Variants in MPPE1 observed in about 807,000 individuals in gnomAD.
MPPE1 encodes metallophosphoesterase 1.
A neutral mutation model predicts 43.8 loss-of-function variants in MPPE1; 28 were observed. The ratio of observed to expected loss-of-function variants is 0.64; its 90% confidence interval spans 0.47 to 0.88. The LOEUF (loss-of-function observed/expected upper bound fraction) is 0.88. Among genes scored for constraint, MPPE1 ranks in the 40% least tolerant of loss-of-function variants. The probability of loss-of-function intolerance (pLI) is 0.00; values close to 1 mark genes in which losing one functional copy is unlikely to be tolerated. For missense variants in MPPE1, 428 were observed against 492.2 expected (o/e 0.87, Z 1.23); for synonymous variants, 159 against 188.5 (o/e 0.84, Z 1.28).
intron 1 of MPPE1, among the ~76,000 whole-genome samples, chr18:11,907,584 G>C (rs2039837863): frequency 6.6e-6 from 1 of 151,526 alleles, no homozygotes; most frequent in Non-Finnish European, 1.5e-5. Flanking sequence ...CCAAACTCCT[G>C]CGCTGAAGCG....
chr18:11,887,127 C>G, intron 6 of MPPE1, 102 bp from the exon 7 acceptor site: 1 of 786,760 alleles, frequency 1.3e-6, no homozygotes, highest in South Asian at 1.8e-5. Flanking sequence ...TGCAAAGAAA[C>G]AAGCCCAGAG....
intron 9 of MPPE1, 86 bp from the exon 10 acceptor site, chr18:11,885,902 T>C: frequency 7.6e-7 from 1 of 1,323,572 alleles, no homozygotes; most frequent in Non-Finnish European, 1.0e-6. Flanking sequence ...CCGCTGGCCA[T>C]CGCTTCTTTC....
chr18:11,898,390 G>C (rs893319866), intron 2 of MPPE1, among the ~76,000 whole-genome samples: 1 of 152,012 alleles, frequency 6.6e-6, no homozygotes, highest in Non-Finnish European at 1.5e-5. Context: ...GTTTAACTTT[G>C]AAGCAAGGAT....
intron 4 of MPPE1, among the ~76,000 whole-genome samples, chr18:11,890,184 C>T (rs529787883): frequency 2.2e-4 from 34 of 152,206 alleles, no homozygotes; most frequent in South Asian, 1.0e-3. Context: ...CCTCATGATC[C>T]GCCCGCCTCG....
At chr18:11,896,095 C>CTTTTTTTTT (rs1178920790) in intron 3 of MPPE1, among the ~76,000 whole-genome samples, 32 of 80,452 alleles carry the variant, frequency 4.0e-4, no homozygotes, top group Non-Finnish European at 6.6e-4. Flanking sequence ...ATTCTTTATT[C>CTTTTTTTTT]TTTTTTTTTT....
rs1296559699 is a variant in MPPE1 at position 11,883,825 on chromosome 18, G to GTATT, written c.*616_*619dup. ...GATTCTCCTGCCTCAGCCTCAGCTGGTATTATAGGCACTTGCTACCATGCT... is the reference window on the plus strand; with the variant it reads ...GATTCTCCTGCCTCAGCCTCAGCTGGTATTTATTATAGGCACTTGCTACCATGCT... On this transcript the variant is annotated 3_prime_UTR_variant, in exon 11 of 11. Coordinates refer to ENST00000588072, the MANE Select transcript of MPPE1 (RefSeq NM_023075.6). 1 of 149,870 alleles carries GTATT rather than the reference G, an allele frequency of 6.7e-6. No homozygotes were observed. 9.3% of individuals were successfully genotyped at this position (149,870 alleles called of 1,614,324 possible).
At chr18:11,904,636 A>G (rs2039532215) in intron 2 of MPPE1, among the ~76,000 whole-genome samples, 1 of 152,162 alleles carries the variant, frequency 6.6e-6, no homozygotes, top group Non-Finnish European at 1.5e-5. Flanking sequence ...ATCATTTTTT[A>G]AAAGATAAGA....
rs1173457811 is a variant in MPPE1 at position 11,886,748 on chromosome 18, G to A, written c.709C>T (p.Pro237Ser). 8.7e-6 allele frequency: 14 copies of A among 1,613,300 alleles called. No homozygotes were observed. The highest frequency in any genetic ancestry group is 1.0e-5 in the Non-Finnish European group (12 of 1,179,960). The change falls in exon 8 of 11, where the codon CCT becomes TCT. Residue 237 changes from proline to serine, a missense_variant. This residue lies in a region of MPPE1 where 379 missense variants were observed against 402.5 expected (regional missense o/e 0.94). Coordinates refer to ENST00000588072, the MANE Select transcript of MPPE1 (RefSeq NM_023075.6). The surrounding 1 kb of genome is among the most constrained non-coding windows in gnomAD (Gnocchi z 4.1). Reference sequence around the variant, plus strand: ...ACAGGGGCAGACGTGGGCAGCAGAGGCCCAGGTCCACACCGGCTGGAGCCA... The same window carrying A: ...ACAGGGGCAGACGTGGGCAGCAGAGACCCAGGTCCACACCGGCTGGAGCCA... ...ARGSSRCGPG[P>S]LLPTSAPVLL...
At chr18:11,905,324 CA>C (rs1045194680) in intron 2 of MPPE1, 6 of 149,350 alleles carry the variant, frequency 4.0e-5, no homozygotes, top group East Asian at 1.9e-4. Flanking sequence ...CAAAACAAAA[CA>C]AAAAAAAACA....
chr18:11,906,482 T>A (rs2039721241), intron 1 of MPPE1, among the ~76,000 whole-genome samples, 173 bp from the exon 2 acceptor site: 1 of 152,196 alleles, frequency 6.6e-6, no homozygotes, highest in Non-Finnish European at 1.5e-5. Context: ...ATAAAATACC[T>A]GTATTTATAT....
At chr18:11,908,105 A>T (rs2039895080) in intron 1 of MPPE1, 96 bp downstream of exon 1, 1 of 152,196 alleles carries the variant, frequency 6.6e-6, no homozygotes, top group African/African-American at 2.4e-5. Flanking sequence ...AATTTGCAGA[A>T]TGCTGTTTTT....
At chr18:11,897,389 C>G in intron 2 of MPPE1, 33 bp from the exon 3 acceptor site, 6 of 874,978 alleles carry the variant, frequency 6.9e-6, no homozygotes. Context: ...CAGTTATGTT[C>G]CCTAATAATA....
At chr18:11,900,311 C>T (rs1421611380) in intron 2 of MPPE1, among the ~76,000 whole-genome samples, 7 of 152,058 alleles carry the variant, frequency 4.6e-5, no homozygotes. Flanking sequence ...CACGCCATTG[C>T]ACTGCAGCCT....
At chr18:11,889,066 G>A (rs2037665775) in intron 5 of MPPE1, among the ~76,000 whole-genome samples, 1 of 152,164 alleles carries the variant, frequency 6.6e-6, no homozygotes, top group Admixed American at 6.5e-5. Context: ...AAGCACTAGA[G>A]CACTATATAA....
intron 6 of MPPE1, among the ~76,000 whole-genome samples, chr18:11,887,328 C>T (rs1455580266): frequency 6.7e-6 from 1 of 149,272 alleles, no homozygotes; most frequent in Non-Finnish European, 1.5e-5. Flanking sequence ...ACCAGAACCT[C>T]ATCTGTTACA....
chr18:11,889,513 T>C, intron 4 of MPPE1, 23 bp from the exon 5 acceptor site: 2 of 1,570,182 alleles, frequency 1.3e-6, no homozygotes, highest in Non-Finnish European at 8.7e-7. Context: ...GAATCACTGC[T>C]GAGAGCCAGA....
chr18:11,899,909 T>C (rs1438369955), intron 2 of MPPE1, among the ~76,000 whole-genome samples: 3 of 152,104 alleles, frequency 2.0e-5, no homozygotes, highest in Non-Finnish European at 4.4e-5. Context: ...CATAGGGAAA[T>C]TAAGAATAAC....
chr18:11,891,635 A>G (rs2038011180), intron 4 of MPPE1, among the ~76,000 whole-genome samples: 1 of 152,192 alleles, frequency 6.6e-6, no homozygotes, highest in Non-Finnish European at 1.5e-5. Flanking sequence ...CTCACATTTA[A>G]TTATAGCCTA....
At chr18:11,901,998 G>T (rs2039259850) in intron 2 of MPPE1, among the ~76,000 whole-genome samples, 1 of 152,214 alleles carries the variant, frequency 6.6e-6, no homozygotes, top group Non-Finnish European at 1.5e-5. Context: ...AGCTGGTCAA[G>T]CTGTACTTTA....
Sources: allele counts gnomAD v4.1 joint callset (sites outside exome capture counted in the v4.1 genomes callset), GRCh38; gene constraint gnomAD v4.1.1; regional missense constraint gnomAD v4.1.1; non-coding constraint Gnocchi (gnomAD v3.1); transcripts MANE v1.5; gene names NCBI Gene and HGNC (gene_info 2026-07-23, HGNC 2026-07-21).